The following ETV6 variants were observed in gnomAD, a reference collection of about 807,000 sequenced individuals.
ETV6 encodes transcription factor ETV6.
A neutral mutation model predicts 51.1 loss-of-function variants in ETV6; 16 were observed. The ratio of observed to expected loss-of-function variants is 0.31; its 90% CI spans 0.21 to 0.48. ETV6 has a LOEUF of 0.48. Among genes scored for constraint, ETV6 ranks in the 20% least tolerant of loss-of-function variants. The pLI is 0.99. For missense variants in ETV6, 458 were observed against 594.8 expected (o/e 0.77, Z 2.39); for synonymous variants, 240 against 224.1 (o/e 1.07, Z -0.64).
intron 1 of ETV6, among the ~76,000 whole-genome samples, chr12:11,749,285 C>CCCCACA (rs1865967565): frequency 2.7e-5 from 2 of 75,356 alleles, no homozygotes; most frequent in Admixed American, 1.5e-4. Flanking sequence ...GTTATCCCCC[C>CCCCACA]CATACACACA....
intron 2 of ETV6, among the ~76,000 whole-genome samples, chr12:11,791,619 C>T (rs1451673696): frequency 2.6e-5 from 4 of 152,170 alleles, no homozygotes; most frequent in African/African-American, 9.7e-5. Flanking sequence ...TCCTTTGTTA[C>T]AAGAAATCTA....
rs1565529820 is a variant in ETV6 at position 11,796,775 on chromosome 12, T to TG, written c.164-42365_164-42364insG. ...ATAATTTCTTCCTTTTCTTTTTTTT[T>TG]TTTTTGTGTGTGTGTGTGTTTTGAT... On this transcript the variant is annotated intron_variant, in intron 2 of 7. Transcript: ENST00000396373. Among the ~76,000 whole-genome samples the TG allele has an allele frequency of 2.9e-3, 312 of 109,060 alleles. 2 individuals are homozygous for TG. Among genetic ancestry groups the TG allele is most frequent in the African/African-American group, 0.01 (297 of 28,576 alleles). 71.5% of individuals were successfully genotyped at this position (109,060 alleles called of 152,430 possible). A position where few individuals can be genotyped will look rare whatever the true frequency, so the allele number is the denominator to read the frequency against.
chr12:11,857,616 A>G (rs774066313), intron 4 of ETV6, among the ~76,000 whole-genome samples: 1 of 152,256 alleles, frequency 6.6e-6, no homozygotes, highest in Non-Finnish European at 1.5e-5. Flanking sequence ...TCCAGCAATA[A>G]GTAAGCCAGG....
At chr12:11,692,388 A>G (rs55959071) in intron 1 of ETV6, among the ~76,000 whole-genome samples, 8,860 of 152,128 alleles carry the variant, frequency 0.058, 864 homozygotes, top group African/African-American at 0.2. Context: ...TTCTTTGTAA[A>G]TTACCTAGTT....
At chr12:11,775,770 G>A (rs904467104) in intron 2 of ETV6, among the ~76,000 whole-genome samples, 24 of 152,192 alleles carry the variant, frequency 1.6e-4, no homozygotes, top group African/African-American at 4.8e-4. Context: ...TACAAGCAGC[G>A]CATCCAAGAA....
At chr12:11,703,262 T>C (rs1360204930) in intron 1 of ETV6, among the ~76,000 whole-genome samples, 2 of 150,604 alleles carry the variant, frequency 1.3e-5, no homozygotes, top group African/African-American at 2.4e-5. Flanking sequence ...ATACTAAAAA[T>C]AATGAGTTTC....
intron 2 of ETV6, among the ~76,000 whole-genome samples, chr12:11,808,764 T>C (rs138568034): frequency 2.6e-4 from 40 of 152,110 alleles, no homozygotes; most frequent in African/African-American, 9.2e-4. Context: ...TGAGAGAAAC[T>C]AAGAGAAGAA....
chr12:11,857,944 C>T (rs1262679089), intron 4 of ETV6, among the ~76,000 whole-genome samples: 2 of 152,194 alleles, frequency 1.3e-5, no homozygotes, highest in Non-Finnish European at 2.9e-5. Context: ...ATTCCCTTCC[C>T]TCAGGGTCTT....
chr12:11,750,149 G>C (rs1328606807), intron 1 of ETV6, among the ~76,000 whole-genome samples: 1 of 152,158 alleles, frequency 6.6e-6, no homozygotes, highest in Non-Finnish European at 1.5e-5. Flanking sequence ...GCAGAAGTGT[G>C]GTGTTTCACC....
In ETV6 at chr12:11,839,258, C is replaced by T. The variant is rs527681346; in HGVS notation, c.282C>T (p.Leu94=). 2.5e-6 allele frequency: 4 copies of T among 1,614,228 alleles called. No homozygotes were observed. The African/African-American group carries it at 5.3e-5, about 22-fold the overall frequency. Reference sequence around the variant, plus strand: ...CGTTTGAAATGAATGGCAAAGCTCTCCTGCTGCTGACCAAAGAGGACTTTC... The same window carrying T: ...CGTTTGAAATGAATGGCAAAGCTCTTCTGCTGCTGACCAAAGAGGACTTTC... ...SNTFEMNGKA[L]LLLTKEDFRY... is the part of the protein sequence containing the mutation. The change falls in exon 3 of 8, where the codon CTC becomes CTT. Residue 94 remains leucine (L), a synonymous_variant. Coordinates refer to ENST00000396373, the MANE Select transcript of ETV6 (RefSeq NM_001987.5).
rs183781012 is a variant in ETV6, at chr12:11,810,262, T to G, written c.164-28878T>G. On this transcript the variant is annotated intron_variant, in intron 2 of 7. Coordinates refer to ENST00000396373, the MANE Select transcript of ETV6 (RefSeq NM_001987.5). ...GGAAGTGGGTTTATGTTCATGGGCT[T>G]TCTAGATGGACTTTCAAGTCCAAGT... Among the ~76,000 whole-genome samples, 154 of 152,288 alleles carry G rather than the reference T, an allele frequency of 1.0e-3. 1 individual carries two copies. Among genetic ancestry groups the G allele is most frequent in the African/African-American group, 3.6e-3 (148 of 41,558 alleles).
rs189195654 is a variant in ETV6 at position 11,873,463 on chromosome 12, C to T, written c.1009+3494C>T. Reference sequence around the variant, plus strand: ...CATTAACTGAATAGCCATAAAAAGCCTTTAAATCTCCGTAAAGCAGCTGTT... The same window carrying T: ...CATTAACTGAATAGCCATAAAAAGCTTTTAAATCTCCGTAAAGCAGCTGTT... On this transcript the variant is annotated intron_variant, in intron 5 of 7. Coordinates refer to ENST00000396373, the MANE Select transcript of ETV6 (RefSeq NM_001987.5). 1.0e-4 allele frequency among the ~76,000 whole-genome samples: 14 copies of T among 134,872 alleles called. No homozygotes were observed. In the East Asian group the frequency reaches 3.4e-3, roughly 33 times the overall value. The allele number at this position is 134,872 out of a possible 152,430, so 88.5% of individuals were successfully genotyped here.
chr12:11,740,067 C>A (rs1208903652), intron 1 of ETV6, among the ~76,000 whole-genome samples: 1 of 152,188 alleles, frequency 6.6e-6, no homozygotes, highest in African/African-American at 2.4e-5. Flanking sequence ...TTTTAAAATG[C>A]ATTTTCACCC....
intron 1 of ETV6, among the ~76,000 whole-genome samples, chr12:11,694,515 G>A (rs1415103837): frequency 6.6e-6 from 1 of 152,212 alleles, no homozygotes; most frequent in African/African-American, 2.4e-5. Flanking sequence ...GTCATTGAGT[G>A]CAGAGACTAG....
At chr12:11,650,183 C>T (rs1403690310) in intron 1 of ETV6, 23 bp downstream of exon 1, 1 of 1,609,496 alleles carries the variant, frequency 6.2e-7, no homozygotes. Context: ...TCCCCTCCTT[C>T]TACGTGGTGG....
chr12:11,684,495 A>G (rs1864590423), intron 1 of ETV6, among the ~76,000 whole-genome samples: 1 of 152,230 alleles, frequency 6.6e-6, no homozygotes, highest in South Asian at 2.1e-4. Flanking sequence ...AGAAACTTCC[A>G]CACATATTCA....
intron 2 of ETV6, among the ~76,000 whole-genome samples, chr12:11,785,557 G>A (rs2136376235): frequency 6.6e-6 from 1 of 152,274 alleles, no homozygotes; most frequent in East Asian, 1.9e-4. Flanking sequence ...TACTCAATAA[G>A]TATTTGTTGA....
chr12:11,658,563 C>T (rs979736719), intron 1 of ETV6, among the ~76,000 whole-genome samples: 1 of 152,210 alleles, frequency 6.6e-6, no homozygotes, highest in African/African-American at 2.4e-5. Context: ...TGGCCTTGCT[C>T]AAGCTCGTGT....
intron 3 of ETV6, among the ~76,000 whole-genome samples, chr12:11,841,094 T>A (rs12305968): frequency 0.16 from 24,279 of 152,184 alleles, 2,199 homozygotes; most frequent in South Asian, 0.34. Flanking sequence ...TCTCTATAAA[T>A]TTCCCCTTCA....
Sources: allele counts gnomAD v4.1 joint callset (sites outside exome capture counted in the v4.1 genomes callset), GRCh38; gene constraint gnomAD v4.1.1; transcripts MANE v1.5; gene names NCBI Gene and HGNC (gene_info 2026-07-23, HGNC 2026-07-21).